Variants in DPYD observed in about 807,000 individuals in gnomAD.
DPYD encodes the protein dihydropyrimidine dehydrogenase [NADP(+)].
Under a neutral mutation model 116.2 loss-of-function variants are expected in DPYD, and 109 were observed. The observed-to-expected ratio is 0.94, with a 90% confidence interval of 0.80 to 1.10. DPYD has a LOEUF of 1.10. Among genes scored for constraint, DPYD ranks in the 50% least tolerant of loss-of-function variants. The pLI, the probability that DPYD is intolerant of heterozygous loss-of-function variation, is 0.00. For missense variants in DPYD, 1,302 were observed against 1,254.5 expected (o/e 1.04, Z -0.57); for synonymous variants, 440 against 432.0 (o/e 1.02, Z -0.23).
intron 19 of DPYD, among the ~76,000 whole-genome samples, chr1:97,232,108 G>T (rs1381263593): frequency 6.6e-6 from 1 of 152,082 alleles, no homozygotes; most frequent in African/African-American, 2.4e-5. Context: ...AGGATTCCTG[G>T]CAATACATTC....
chr1:97,544,631 T>C (rs568640583), intron 12 of DPYD, among the ~76,000 whole-genome samples: 1 of 151,526 alleles, frequency 6.6e-6, no homozygotes, highest in Non-Finnish European at 1.5e-5. Context: ...CCAGTACACA[T>C]TTATTAGATT....
intron 20 of DPYD, among the ~76,000 whole-genome samples, chr1:97,191,829 A>G (rs900352221): frequency 1.3e-5 from 2 of 152,178 alleles, no homozygotes; most frequent in African/African-American, 4.8e-5. Flanking sequence ...AAGCAACCTT[A>G]GGATATTGAT....
At chr1:97,653,674 T>C (rs1658725931) in intron 8 of DPYD, among the ~76,000 whole-genome samples, 1 of 152,186 alleles carries the variant, frequency 6.6e-6, no homozygotes, top group African/African-American at 2.4e-5. Flanking sequence ...CTTGTCTTTT[T>C]ATATTTTCAT....
At chr1:97,281,582 T>C (rs1665327888) in intron 18 of DPYD, among the ~76,000 whole-genome samples, 1 of 151,954 alleles carries the variant, frequency 6.6e-6, no homozygotes, top group Non-Finnish European at 1.5e-5. Flanking sequence ...AGTATGAGGA[T>C]AGAATAAAAA....
At chr1:97,745,274 C>A (rs1426940359) in intron 3 of DPYD, among the ~76,000 whole-genome samples, 2 of 152,078 alleles carry the variant, frequency 1.3e-5, no homozygotes, top group Admixed American at 6.6e-5. Flanking sequence ...TGCTGTGCAC[C>A]ATTTGCCTTT....
chr1:97,832,045 TTGTGTGTGTGTGTGTGTG>T (rs35795641), intron 2 of DPYD, among the ~76,000 whole-genome samples: 4 of 133,950 alleles, frequency 3.0e-5, no homozygotes, highest in Non-Finnish European at 6.3e-5. Flanking sequence ...ATATAATGTA[TTGTGTGTGTGTGTGTGTG>T]TGTGTGTGTG....
At chr1:97,208,613 C>A (rs1183857231) in intron 19 of DPYD, among the ~76,000 whole-genome samples, 1 of 152,046 alleles carries the variant, frequency 6.6e-6, no homozygotes, top group Non-Finnish European at 1.5e-5. Context: ...CTCATCATTT[C>A]TTCAAAAACT....
At chr1:97,419,486 G>A (rs188805864) in intron 14 of DPYD, among the ~76,000 whole-genome samples, 21 of 152,164 alleles carry the variant, frequency 1.4e-4, no homozygotes, top group East Asian at 5.8e-4. Flanking sequence ...AATAGGCACC[G>A]ATATTCCAAT....
intron 14 of DPYD, among the ~76,000 whole-genome samples, chr1:97,421,450 AAAC>A (rs57035979): frequency 1.3e-5 from 2 of 151,574 alleles, no homozygotes; most frequent in African/African-American, 2.4e-5. Flanking sequence ...AAACAAAACA[AAAC>A]AACAACAACA....
At chr1:97,360,291 A>G (rs1167061246) in intron 16 of DPYD, among the ~76,000 whole-genome samples, 1 of 152,210 alleles carries the variant, frequency 6.6e-6, no homozygotes, top group African/African-American at 2.4e-5. Context: ...ACCCAGATTC[A>G]TAAAGCAAGT....
chr1:97,847,610 A>G (rs1394642708), intron 2 of DPYD, among the ~76,000 whole-genome samples: 1 of 152,190 alleles, frequency 6.6e-6, no homozygotes, highest in Non-Finnish European at 1.5e-5. Flanking sequence ...ACTTATTGAC[A>G]ATTATAAAAA....
chr1:97,592,270 T>C (rs903692903), intron 10 of DPYD, among the ~76,000 whole-genome samples: 2 of 152,196 alleles, frequency 1.3e-5, no homozygotes, highest in Admixed American at 1.3e-4. Flanking sequence ...TCTAATAGCA[T>C]TAAAATTTGA....
At chr1:97,456,988 T>C (rs1676725940) in intron 13 of DPYD, among the ~76,000 whole-genome samples, 1 of 152,054 alleles carries the variant, frequency 6.6e-6, no homozygotes. Flanking sequence ...TTATCATGTG[T>C]TAGTGTGTTG....
At chr1:97,226,121 G>T (rs186952850) in intron 19 of DPYD, among the ~76,000 whole-genome samples, 11 of 152,126 alleles carry the variant, frequency 7.2e-5, no homozygotes, top group African/African-American at 2.6e-4. Flanking sequence ...CACATTAAGA[G>T]AATGAATCAC....
chr1:97,542,586 A>G (rs965051139), intron 12 of DPYD, among the ~76,000 whole-genome samples: 1 of 152,098 alleles, frequency 6.6e-6, no homozygotes, highest in African/African-American at 2.4e-5. Context: ...CCTAATACCC[A>G]CATCCAGATG....
intron 8 of DPYD, among the ~76,000 whole-genome samples, chr1:97,647,182 A>C (rs1658311219): frequency 6.6e-6 from 1 of 152,100 alleles, no homozygotes; most frequent in South Asian, 2.1e-4. Flanking sequence ...GTTGACTTTA[A>C]GGAGAAATGG....
At chr1:97,211,181 G>A (rs960174401) in intron 19 of DPYD, among the ~76,000 whole-genome samples, 1 of 152,100 alleles carries the variant, frequency 6.6e-6, no homozygotes, top group African/African-American at 2.4e-5. Context: ...CCTTCCTTCA[G>A]TATGTCAAGC....
intron 21 of DPYD, 140 bp downstream of exon 21, chr1:97,098,349 T>C (rs1650417575): frequency 1.0e-6 from 1 of 995,740 alleles, no homozygotes; most frequent in Non-Finnish European, 1.5e-6. Context: ...GTTTTCACCA[T>C]GGACAGATGT....
At chr1:97,509,617 C>T (rs950864314) in intron 13 of DPYD, among the ~76,000 whole-genome samples, 5 of 151,834 alleles carry the variant, frequency 3.3e-5, no homozygotes, top group Non-Finnish European at 5.9e-5. Flanking sequence ...ATTTGCCATG[C>T]AAAACAGACA....
Sources: allele counts gnomAD v4.1 joint callset (sites outside exome capture counted in the v4.1 genomes callset), GRCh38; gene constraint gnomAD v4.1.1; transcripts MANE v1.5; gene names NCBI Gene and HGNC (gene_info 2026-07-23, HGNC 2026-07-21).